The following PXDN variants were observed in gnomAD, a reference collection of about 807,000 sequenced individuals.
PXDN encodes the protein peroxidasin homolog.
In PXDN, 77 loss-of-function variants were observed where a neutral mutation model predicts 140.3. The ratio of observed to expected loss-of-function variants is 0.55; its 90% CI spans 0.46 to 0.66. PXDN has a LOEUF of 0.66. Among genes scored for constraint, PXDN ranks in the 30% least tolerant of loss-of-function variants. The pLI is 0.00. For missense variants in PXDN, 1,838 were observed against 2,039.5 expected (o/e 0.90, Z 1.90); for synonymous variants, 911 against 857.4 (o/e 1.06, Z -1.09).
At chr2:1,653,339 C>T in intron 16 of PXDN, 1 of 423,676 alleles carries the variant, frequency 2.4e-6, no homozygotes. Context: ...GCTTGCATAA[C>T]CCACCCTGGC....
At chr2:1,744,791 C>T (rs1207388605), upstream of PXDN, 2 of 221,370 alleles carry the variant, frequency 9.0e-6, no homozygotes, top group Non-Finnish European at 1.8e-5. Context: ...CGAAGCTTCT[C>T]CACTTCTCTT....
rs535331670 is a variant in PXDN at position 1,692,422 on chromosome 2, G to A, written c.273-423C>T. The A allele has an allele frequency of 9.4e-4, 424 of 452,794 alleles. 4 individuals are homozygous for A. Among genetic ancestry groups the A allele is most frequent in the South Asian group, 2.9e-3 (179 of 62,090 alleles). 28.0% of individuals were successfully genotyped at this position (452,794 alleles called of 1,614,324 possible). Reference sequence around the variant, plus strand: ...CCTGTGGCCCGTGCTCCATTCGAGCGCACAGACAAGGGCCTGGGGTGAGAG... The same window carrying A: ...CCTGTGGCCCGTGCTCCATTCGAGCACACAGACAAGGGCCTGGGGTGAGAG... On this transcript the variant is annotated intron_variant, in intron 2 of 22. Transcript: ENST00000252804.
At position 1,677,034 on chromosome 2, in the gene PXDN, C is replaced by G. The variant is rs1410882598; in HGVS notation, c.741G>C (p.Arg247=). 1 of 1,601,432 alleles carries G rather than the reference C, an allele frequency of 6.2e-7. No homozygotes were observed. Among genetic ancestry groups the G allele is most frequent in the East Asian group, 2.2e-5 (1 of 44,510 alleles). The change falls in exon 8 of 23, where the codon CGG becomes CGC. Residue 247 remains arginine (R), a synonymous_variant. Transcript: ENST00000252804. ...CTGCGTCCTGGGGCTCGGAGGTGAT[C>G]CGGGGCCTTTCTGTGCCCAACCAGA... is the stretch of plus-strand genomic sequence containing the variant. ...TPEELNCERP[R]ITSEPQDADV...
chr2:1,649,496 C>T lies in PXDN; in HGVS notation c.2284G>A (p.Ala762Thr), dbSNP rs1338136270. Residue 762 changes from alanine (A) to threonine (T), a missense_variant, in exon 17 of 23, where the codon GCC becomes ACC. By Grantham distance (58) the Ala-to-Thr change is moderately conservative. This residue lies in a region of PXDN where 537 missense variants were observed against 583.9 expected (regional missense o/e 0.92). Coordinates refer to ENST00000252804, the MANE Select transcript of PXDN (RefSeq NM_012293.3). The surrounding 1 kb of genome is among the most constrained non-coding windows in gnomAD (Gnocchi z 7.1). ...ACGGATTTCAGCAGGCGCTCGAAGG[C>T]GGTCAGCGAGGCGCCCCACATGGGG... ...QHPMWGASLT[A>T]FERLLKSVYE... is the part of the protein sequence containing the mutation. 6.2e-7 allele frequency: 1 copy of T among 1,613,972 alleles called. No individual in the cohort carries two copies.
Position 1,634,031 on chromosome 2 carries a change from A to T in PXDN, c.*173T>A. 1 of 947,724 alleles carries T rather than the reference A, an allele frequency of 1.1e-6. No individual in the cohort carries two copies. The highest frequency in any genetic ancestry group is 1.5e-6 in the Non-Finnish European group (1 of 675,800). 58.7% of individuals were successfully genotyped at this position (947,724 alleles called of 1,614,324 possible). A position where few individuals can be genotyped will look rare whatever the true frequency, so the allele number is the denominator to read the frequency against. On this transcript the variant is annotated 3_prime_UTR_variant, in exon 23 of 23. Transcript: ENST00000252804. ...ACCTGCTGTGCCTCCTTCTCCGCAG[A>T]TGCTCTGGTTGGAAGCCTCCTGCAC...
chr2:1,653,356 G>A (rs1683057028), intron 16 of PXDN: 2 of 466,016 alleles, frequency 4.3e-6, no homozygotes, highest in Non-Finnish European at 8.1e-6. Context: ...TGGCCAGGAT[G>A]GCATAACCCA....
chr2:1,725,426 T>C (rs1685155959), intron 1 of PXDN, among the ~76,000 whole-genome samples: 1 of 151,850 alleles, frequency 6.6e-6, no homozygotes, highest in Non-Finnish European at 1.5e-5. Flanking sequence ...AAAAATTAAT[T>C]CAAGATGGAT....
At chr2:1,720,665 C>CTCTTTCTCTCTCTCTGCA (rs1685022624) in intron 1 of PXDN, among the ~76,000 whole-genome samples, 1 of 136,604 alleles carries the variant, frequency 7.3e-6, no homozygotes, top group African/African-American at 3.4e-5. Flanking sequence ...CTCTCTGCAT[C>CTCTTTCTCTCTCTCTGCA]TCTTTCTCTC....
intron 6 of PXDN, 110 bp downstream of exon 6, chr2:1,683,546 A>ACATGTTTTTCATTTTTCTCTCTAATGG: frequency 2.3e-6 from 1 of 434,336 alleles, no homozygotes; most frequent in Non-Finnish European, 3.5e-6. Context: ...ATTCTTTCAG[A>ACATGTTTTTCATTTTTCTCTCTAATGG]ATCAGATTGT....
At chr2:1,725,875 G>C (rs1374298241) in intron 1 of PXDN, among the ~76,000 whole-genome samples, 1 of 151,948 alleles carries the variant, frequency 6.6e-6, no homozygotes, top group African/African-American at 2.4e-5. Flanking sequence ...AAACCACAAT[G>C]AGATACCATC....
chr2:1,644,139 T>C (rs1448956138), intron 18 of PXDN, among the ~76,000 whole-genome samples: 1 of 133,374 alleles, frequency 7.5e-6, no homozygotes, highest in Non-Finnish European at 1.6e-5. Context: ...ACAAAGACGA[T>C]GGGCAACTTT....
chr2:1,722,965 G>A (rs924064254), intron 1 of PXDN, among the ~76,000 whole-genome samples: 1 of 152,204 alleles, frequency 6.6e-6, no homozygotes, highest in African/African-American at 2.4e-5. Context: ...ATGTATGTGT[G>A]GATGGATGGA....
chr2:1,700,490 TC>T (rs1684400087), intron 1 of PXDN, among the ~76,000 whole-genome samples: 1 of 152,170 alleles, frequency 6.6e-6, no homozygotes, highest in Admixed American at 6.6e-5. Context: ...CATTTTAAGC[TC>T]CTCATTAAGG....
At chr2:1,692,935 G>C (rs1312062596) in intron 2 of PXDN, 128 bp downstream of exon 2, 2 of 870,238 alleles carry the variant, frequency 2.3e-6, no homozygotes. Context: ...GCATTTTCCA[G>C]CCTCACTTTC....
intron 1 of PXDN, among the ~76,000 whole-genome samples, chr2:1,693,430 C>T (rs1046380698): frequency 1.3e-5 from 2 of 152,108 alleles, no homozygotes; most frequent in Non-Finnish European, 2.9e-5. Flanking sequence ...AATGTCGTGT[C>T]GATAAGTCTT....
chr2:1,668,023 G>C (rs1310769905), intron 9 of PXDN, among the ~76,000 whole-genome samples: 1 of 152,152 alleles, frequency 6.6e-6, no homozygotes, highest in Non-Finnish European at 1.5e-5. Flanking sequence ...AACAAAGCCG[G>C]AGGCATCACA....
At chr2:1,743,638 A>G (rs1371090512) in intron 1 of PXDN, among the ~76,000 whole-genome samples, 6 of 35,264 alleles carry the variant, frequency 1.7e-4, no homozygotes, top group African/African-American at 5.3e-4. Flanking sequence ...CTGGGGGAGG[A>G]GAAGGAAGGG....
chr2:1,655,927 T>A (rs555362565), intron 14 of PXDN, among the ~76,000 whole-genome samples: 1 of 150,474 alleles, frequency 6.6e-6, no homozygotes, highest in Non-Finnish European at 1.5e-5. Context: ...TAGACACACA[T>A]ACACACCACA....
chr2:1,694,270 G>A (rs934523689), intron 1 of PXDN, among the ~76,000 whole-genome samples: 4 of 152,154 alleles, frequency 2.6e-5, no homozygotes, highest in African/African-American at 9.7e-5. Context: ...ATTAGGGTAT[G>A]ATAACATAAA....
Sources: allele counts gnomAD v4.1 joint callset (sites outside exome capture counted in the v4.1 genomes callset), GRCh38; gene constraint gnomAD v4.1.1; regional missense constraint gnomAD v4.1.1; non-coding constraint Gnocchi (gnomAD v3.1); transcripts MANE v1.5; gene names NCBI Gene and HGNC (gene_info 2026-07-23, HGNC 2026-07-21).